Variants in NCKAP5 observed in about 807,000 individuals in gnomAD.
NCKAP5 encodes the protein NCK associated protein 5.
NCKAP5 carries 92 observed loss-of-function variants against 167.0 expected under a neutral mutation model. The ratio of observed to expected loss-of-function variants is 0.55; its 90% CI spans 0.47 to 0.66. The LOEUF (loss-of-function observed/expected upper bound fraction) is 0.66, where lower values mean the gene tolerates loss of function less well. Among genes scored for constraint, NCKAP5 ranks in the 30% least tolerant of loss-of-function variants. The pLI, the probability that NCKAP5 is intolerant of heterozygous loss-of-function variation, is 0.00. For synonymous variants in NCKAP5, 891 were observed against 877.4 expected, an observed-to-expected ratio of 1.02 and a Z score of -0.27; for missense variants, 2,378 against 2,315.0, an observed-to-expected ratio of 1.03 and a Z score of -0.56.
chr2:132,899,908 GA>G (rs558693908), intron 8 of NCKAP5, among the ~76,000 whole-genome samples: 7 of 150,890 alleles, frequency 4.6e-5, no homozygotes, highest in East Asian at 1.9e-4. Context: ...AACAAACAAT[GA>G]AAAAAAAATT....
At chr2:132,894,869 G>A (rs1009315457) in intron 8 of NCKAP5, among the ~76,000 whole-genome samples, 1 of 152,078 alleles carries the variant, frequency 6.6e-6, no homozygotes, top group Non-Finnish European at 1.5e-5. Context: ...CAGGAGGCTC[G>A]CAGCCTCCTG....
At chr2:133,541,710 C>A (rs1686238748) in intron 2 of NCKAP5, among the ~76,000 whole-genome samples, 1 of 150,572 alleles carries the variant, frequency 6.6e-6, no homozygotes, top group African/African-American at 2.4e-5. Flanking sequence ...AAGAGTAAAA[C>A]AAAAAAATTA....
At chr2:132,876,977 A>C (rs72850141) in intron 9 of NCKAP5, among the ~76,000 whole-genome samples, 26,362 of 152,228 alleles carry the variant, frequency 0.17, 2,786 homozygotes, top group East Asian at 0.32. Context: ...TGAGTCACAT[A>C]AATCTGACTT....
At chr2:133,066,783 G>A (rs2080211074) in intron 6 of NCKAP5, among the ~76,000 whole-genome samples, 8 of 152,146 alleles carry the variant, frequency 5.3e-5, no homozygotes, top group Admixed American at 3.9e-4. Flanking sequence ...AAAGTCAGTA[G>A]GGAAAAGGAA....
At chr2:132,934,375 C>T (rs1696680656) in intron 8 of NCKAP5, among the ~76,000 whole-genome samples, 1 of 152,162 alleles carries the variant, frequency 6.6e-6, no homozygotes, top group Admixed American at 6.5e-5. Flanking sequence ...GAGTTTGAGA[C>T]CAGCCTGGCC....
chr2:132,938,711 C>A (rs1574700343), intron 8 of NCKAP5, among the ~76,000 whole-genome samples: 2 of 151,982 alleles, frequency 1.3e-5, no homozygotes, highest in South Asian at 2.1e-4. Context: ...TACTTTAAGA[C>A]AGCATTACTG....
At chr2:133,046,692 A>G (rs2079412583) in intron 6 of NCKAP5, among the ~76,000 whole-genome samples, 1 of 152,126 alleles carries the variant, frequency 6.6e-6, no homozygotes. Flanking sequence ...ATGAAGTTTC[A>G]TATTTCACTA....
intron 8 of NCKAP5, among the ~76,000 whole-genome samples, chr2:132,960,304 A>G (rs1208871135): frequency 6.6e-6 from 1 of 152,200 alleles, no homozygotes; most frequent in Non-Finnish European, 1.5e-5. Context: ...TCTGCAAATT[A>G]AAAGACAGAA....
the NCKAP5 span, among the ~76,000 whole-genome samples, chr2:133,642,317 A>G: frequency 2.0e-5 from 3 of 152,148 alleles, no homozygotes; most frequent in Admixed American, 6.5e-5. Context: ...ATCAAATTTC[A>G]ACCTGAGTTT....
chr2:132,783,960 G>A lies in NCKAP5; in HGVS notation c.2851C>T (p.Pro951Ser), dbSNP rs1683307581. 2.5e-6 allele frequency: 4 copies of A among 1,596,656 alleles called. No individual in the cohort carries two copies. The highest frequency in any genetic ancestry group is 2.6e-6 in the Non-Finnish European group (3 of 1,172,990). The change falls in exon 14 of 20, where the codon CCT becomes TCT. Residue 951 changes from proline (P) to serine (S), a missense_variant. Coordinates refer to ENST00000409261, the MANE Select transcript of NCKAP5 (RefSeq NM_207363.3). ...ARPSYDYSPA[P>S]SSTKSETRVP... ...CTGGTTTCGGACTTGGTGGATGAAG[G>A]TGCTGGTGAATAGTCATAGCTGGGC...
chr2:133,303,079 TG>T lies in NCKAP5; in HGVS notation c.100del (p.His34IlefsTer3). The T allele has an allele frequency of 1.9e-6, 3 of 1,597,062 alleles. No individual in the cohort carries two copies. Among genetic ancestry groups the T allele is most frequent in the Non-Finnish European group, 2.6e-6 (3 of 1,171,278 alleles). On this transcript the variant is annotated frameshift_variant, in exon 4 of 20. Transcript: ENST00000409261. LOFTEE classifies it high-confidence loss of function. Reference protein sequence around the residue: ...EYMDSNKYIEHLLTQLEEQHR... With the variant: ...EYMDSNKYIEXLLTQLEEQHR... ...TTGCTCCTCAAGCTGAGTCAGCAGATGCTCAATGTATTTATTGGAGTCCATG... is the reference window on the plus strand; with the variant it reads ...TTGCTCCTCAAGCTGAGTCAGCAGATCTCAATGTATTTATTGGAGTCCATG...
intron 15 of NCKAP5, 50 bp from the exon 16 acceptor site, chr2:132,773,944 A>G: frequency 6.7e-7 from 1 of 1,496,588 alleles, no homozygotes. Context: ...TATTAAAAAG[A>G]TCCTTTTGCA....
At chr2:132,774,979 GA>G in intron 15 of NCKAP5, among the ~76,000 whole-genome samples, 1 of 152,162 alleles carries the variant, frequency 6.6e-6, no homozygotes, top group Non-Finnish European at 1.5e-5. Flanking sequence ...TTTTCCACTT[GA>G]ATATGCCTGT....
chr2:133,050,929 G>T lies in NCKAP5; in HGVS notation c.342-56690C>A, dbSNP rs142909428. ...AAAGTGCTTGCTTTGAAGTATATGC[G>T]CGACTGAACGCATGTGTGAAATTCT... is the stretch of plus-strand genomic sequence containing the variant. On this transcript the variant is annotated intron_variant, in intron 6 of 19. Coordinates refer to ENST00000409261, the MANE Select transcript of NCKAP5 (RefSeq NM_207363.3). Among the ~76,000 whole-genome samples, 459 of 152,274 alleles carry T rather than the reference G, an allele frequency of 3.0e-3. 8 individuals are homozygous for T. The highest frequency in any genetic ancestry group is 0.011 in the African/African-American group (447 of 41,554).
chr2:133,032,253 C>T (rs796127434), intron 6 of NCKAP5, among the ~76,000 whole-genome samples: 3 of 152,248 alleles, frequency 2.0e-5, no homozygotes, highest in African/African-American at 7.2e-5. Context: ...GGGTAAGTCC[C>T]AGGCCAGGCA....
chr2:133,193,917 T>C (rs2085332084), intron 5 of NCKAP5, among the ~76,000 whole-genome samples: 1 of 152,138 alleles, frequency 6.6e-6, no homozygotes, highest in Non-Finnish European at 1.5e-5. Context: ...ATTAAGCATA[T>C]TGATAATTTT....
At chr2:133,022,857 C>G (rs2078572934) in intron 6 of NCKAP5, among the ~76,000 whole-genome samples, 1 of 152,248 alleles carries the variant, frequency 6.6e-6, no homozygotes, top group Admixed American at 6.5e-5. Flanking sequence ...TGAAGGGAAG[C>G]CATCTTCCTC....
At chr2:132,692,733 T>C (rs2105154003) in intron 19 of NCKAP5, among the ~76,000 whole-genome samples, 1 of 152,318 alleles carries the variant, frequency 6.6e-6, no homozygotes, top group East Asian at 1.9e-4. Flanking sequence ...AATACTCATG[T>C]TTAACGTGGA....
intron 3 of NCKAP5, among the ~76,000 whole-genome samples, chr2:133,390,402 C>CACG (rs767252801): frequency 2.6e-5 from 4 of 152,190 alleles, no homozygotes; most frequent in Non-Finnish European, 5.9e-5. Flanking sequence ...GCTTCCCACA[C>CACG]ACGACCCGAT....
Sources: allele counts gnomAD v4.1 joint callset (sites outside exome capture counted in the v4.1 genomes callset), GRCh38; gene constraint gnomAD v4.1.1; transcripts MANE v1.5; gene names NCBI Gene and HGNC (gene_info 2026-07-23, HGNC 2026-07-21).